The following CSMD1 variants were observed in gnomAD, a reference collection of about 807,000 sequenced individuals.
CSMD1 encodes the protein CUB and sushi domain-containing protein 1.
A neutral mutation model predicts 417.5 loss-of-function variants in CSMD1; 213 were observed. That is an observed-to-expected ratio of 0.51 (90% confidence interval 0.46 to 0.57). CSMD1 has a LOEUF of 0.57. CSMD1 is among the 20% of genes least tolerant of loss of function. CSMD1 has a pLI of 0.00. For synonymous variants in CSMD1, 2,862 were observed against 1,736.8 expected, an observed-to-expected ratio of 1.65 and a Z score of -16.11; for missense variants, 6,923 against 4,529.7, an observed-to-expected ratio of 1.53 and a Z score of -15.17.
chr8:3,842,746 GA>G (rs374390837), intron 5 of CSMD1, among the ~76,000 whole-genome samples: 3 of 149,550 alleles, frequency 2.0e-5, no homozygotes, highest in African/African-American at 4.9e-5. Flanking sequence ...TTGGGAAACA[GA>G]AAAAAAAAGA....
chr8:3,806,188 T>C (rs1333320199), intron 5 of CSMD1, among the ~76,000 whole-genome samples: 2 of 152,170 alleles, frequency 1.3e-5, no homozygotes, highest in African/African-American at 2.4e-5. Flanking sequence ...GGGTCGTCCA[T>C]TCAAACGCAG....
intron 3 of CSMD1, among the ~76,000 whole-genome samples, chr8:4,107,103 C>A (rs1801608164): frequency 6.6e-6 from 1 of 152,126 alleles, no homozygotes; most frequent in Admixed American, 6.6e-5. Context: ...ATAATGACGA[C>A]AGAAATGAGG....
In CSMD1 at chr8:4,173,542, G is replaced by C. The variant is rs76920074; in HGVS notation, c.416-141443C>G. 8.7e-3 allele frequency among the ~76,000 whole-genome samples: 1,329 copies of C among 152,204 alleles called. 18 individuals carry two copies. Among genetic ancestry groups the C allele is most frequent in the African/African-American group, 0.03 (1,247 of 41,510 alleles). ...AACACCATCCTCTTGTGGTTTACAAGAAAGGAGAAAGATAAAATTATCAAA... is the reference window on the plus strand; with the variant it reads ...AACACCATCCTCTTGTGGTTTACAACAAAGGAGAAAGATAAAATTATCAAA... On this transcript the variant is annotated intron_variant, in intron 3 of 69. Coordinates refer to ENST00000635120, the MANE Select transcript of CSMD1 (RefSeq NM_033225.6).
Position 4,581,703 on chromosome 8 carries a change from C to T in CSMD1, c.302+55639G>A, listed in dbSNP as rs141229328. Among the ~76,000 whole-genome samples the T allele has an allele frequency of 6.6e-5, 10 of 152,286 alleles. No individual in the cohort carries two copies. In the East Asian group the frequency reaches 1.7e-3, roughly 26 times the overall value. On this transcript the variant is annotated intron_variant, in intron 2 of 69. Coordinates refer to ENST00000635120, the MANE Select transcript of CSMD1 (RefSeq NM_033225.6). ...CCCAGTTGGGGTCACATAAGCAGGT[C>T]GGTTTTAACAGCTTCCAGAGAATTC...
chr8:4,679,666 A>T (rs1805914346), intron 1 of CSMD1, among the ~76,000 whole-genome samples: 1 of 152,140 alleles, frequency 6.6e-6, no homozygotes, highest in African/African-American at 2.4e-5. Flanking sequence ...TAGGAGGATC[A>T]AACAACATAA....
At chr8:3,921,580 G>C (rs978924994) in intron 5 of CSMD1, among the ~76,000 whole-genome samples, 1 of 151,784 alleles carries the variant, frequency 6.6e-6, no homozygotes, top group African/African-American at 2.4e-5. Flanking sequence ...ATTTTGGTGT[G>C]CTTGGTTTCC....
At chr8:4,596,948 A>AT (rs1585307502) in intron 2 of CSMD1, among the ~76,000 whole-genome samples, 2 of 151,956 alleles carry the variant, frequency 1.3e-5, no homozygotes, top group Admixed American at 6.6e-5. Flanking sequence ...TTTCTTCCTC[A>AT]TTTTCTCTTG....
At chr8:4,049,878 T>C (rs1333171670) in intron 3 of CSMD1, among the ~76,000 whole-genome samples, 3 of 150,168 alleles carry the variant, frequency 2.0e-5, no homozygotes, top group African/African-American at 7.4e-5. Context: ...TGAATTATCT[T>C]AGCTTTTAAG....
At position 4,266,508 on chromosome 8, in the gene CSMD1, T is replaced by C. The variant is rs1344052927; in HGVS notation, c.415+153445A>G. The stretch of plus-strand genomic sequence containing the variant: ...TAACTCTGTCAAAGTATTCACTAAA[T>C]TTTAAAAAGTAGAACAATTTCATAC... On this transcript the variant is annotated intron_variant, in intron 3 of 69. Coordinates refer to ENST00000635120, the MANE Select transcript of CSMD1 (RefSeq NM_033225.6). 2.9e-5 allele frequency among the ~76,000 whole-genome samples: 3 copies of C among 104,856 alleles called. 1 individual carries two copies. Among genetic ancestry groups the C allele is most frequent in the Admixed American group, 2.7e-4 (3 of 11,046 alleles). 68.8% of individuals were successfully genotyped at this position (104,856 alleles called of 152,430 possible).
At chr8:4,936,883 T>A (rs1195541909) in intron 1 of CSMD1, among the ~76,000 whole-genome samples, 1 of 152,232 alleles carries the variant, frequency 6.6e-6, no homozygotes, top group Non-Finnish European at 1.5e-5. Context: ...TTTGTTCAAA[T>A]TATTATTTTC....
At chr8:3,077,562 C>T (rs1353445156) in intron 49 of CSMD1, among the ~76,000 whole-genome samples, 3 of 152,350 alleles carry the variant, frequency 2.0e-5, no homozygotes, top group Non-Finnish European at 2.9e-5. Flanking sequence ...ACGTAGTAGT[C>T]ACTTCCTTTG....
chr8:3,993,256 T>G (rs1352184054), intron 5 of CSMD1, among the ~76,000 whole-genome samples: 3 of 152,144 alleles, frequency 2.0e-5, no homozygotes, highest in African/African-American at 7.2e-5. Context: ...AATAACAACA[T>G]GAGGAGGGAG....
intron 56 of CSMD1, among the ~76,000 whole-genome samples, chr8:2,974,065 G>GGTAGAGGATGATT (rs1554476496): frequency 5.5e-5 from 7 of 126,896 alleles, no homozygotes; most frequent in Non-Finnish European, 8.8e-5. Context: ...AGAGGATGGT[G>GGTAGAGGATGATT]GTAGAGGATG....
chr8:4,653,720 ATGT>A lies in CSMD1; in HGVS notation c.86-16165_86-16163del, dbSNP rs564062476. 2.4e-4 allele frequency among the ~76,000 whole-genome samples: 37 copies of A among 152,216 alleles called. No individual in the cohort carries two copies. The South Asian group carries it at 5.0e-3, about 21-fold the overall frequency. ...CATAACACAAATGGCAGAAAAGGAA[ATGT>A]TGGAGGAAAATTGTATTCAAACACA... On this transcript the variant is annotated intron_variant, in intron 1 of 69. Transcript: ENST00000635120.
chr8:3,996,604 A>T (rs1344554701), intron 5 of CSMD1, among the ~76,000 whole-genome samples: 1 of 152,196 alleles, frequency 6.6e-6, no homozygotes, highest in Non-Finnish European at 1.5e-5. Context: ...ATAGGTAATA[A>T]TTTAAACAAA....
At chr8:4,446,757 G>GTGTGTGTGTGTC (rs1798828216) in intron 2 of CSMD1, among the ~76,000 whole-genome samples, 2 of 26,260 alleles carry the variant, frequency 7.6e-5, no homozygotes, top group African/African-American at 2.7e-4. Context: ...GTGTGTGTCT[G>GTGTGTGTGTGTC]TGTGTGTGTG....
At chr8:4,487,249 G>A (rs1276742121) in intron 2 of CSMD1, among the ~76,000 whole-genome samples, 1 of 152,008 alleles carries the variant, frequency 6.6e-6, no homozygotes, top group Non-Finnish European at 1.5e-5. Context: ...GTATACATGT[G>A]CCATGCCGGT....
At chr8:4,805,655 C>A (rs1228266866) in intron 1 of CSMD1, among the ~76,000 whole-genome samples, 2 of 152,178 alleles carry the variant, frequency 1.3e-5, no homozygotes, top group African/African-American at 4.8e-5. Context: ...TCTTTAAACA[C>A]ATAAATTATT....
chr8:3,020,216 T>C (rs1384052597), intron 51 of CSMD1, among the ~76,000 whole-genome samples: 1 of 152,196 alleles, frequency 6.6e-6, no homozygotes, highest in East Asian at 1.9e-4. Flanking sequence ...ACGGAAGCCA[T>C]CCCTCGCACA....
Sources: gnomAD v4.1 joint callset for allele counts (sites outside exome capture counted in the v4.1 genomes callset) on GRCh38, gnomAD v4.1.1 for gene constraint, MANE v1.5 for transcripts, NCBI Gene and HGNC (gene_info 2026-07-23, HGNC 2026-07-21) for gene names.